The following DTNA variants were observed in gnomAD, a reference collection of about 807,000 sequenced individuals.
The protein encoded by DTNA is dystrobrevin alpha, also known as dystrophin-related protein 3.
DTNA carries 43 observed loss-of-function variants against 100.7 expected under a neutral mutation model. That is an observed-to-expected ratio of 0.43 (90% CI 0.33 to 0.55). The LOEUF (loss-of-function observed/expected upper bound fraction) is 0.55. Ranked by LOEUF, DTNA falls within the 20% of genes least tolerant of loss-of-function variation. DTNA has a pLI of 0.04. For missense variants in DTNA, 798 were observed against 953.9 expected (o/e 0.84, Z 2.15); for synonymous variants, 349 against 347.9 (o/e 1.00, Z -0.04).
intron 1 of DTNA, among the ~76,000 whole-genome samples, chr18:34,647,446 C>T (rs2143598636): frequency 6.6e-6 from 1 of 152,294 alleles, no homozygotes; most frequent in African/African-American, 2.4e-5. Context: ...GAGCAGGCGC[C>T]TAGAAGTACC....
chr18:34,744,070 A>C (rs1415190090), intron 1 of DTNA, among the ~76,000 whole-genome samples: 1 of 152,142 alleles, frequency 6.6e-6, no homozygotes, highest in Non-Finnish European at 1.5e-5. Flanking sequence ...TGTTTATCTC[A>C]AGCAGGTATG....
At chr18:34,882,379 T>C (rs2096881509) in intron 21 of DTNA, among the ~76,000 whole-genome samples, 178 bp downstream of exon 21, 1 of 152,146 alleles carries the variant, frequency 6.6e-6, no homozygotes, top group South Asian at 2.1e-4. Flanking sequence ...AATACTTCTT[T>C]TTTTTTTAAG....
At chr18:34,560,451 T>G (rs1484328339) in intron 1 of DTNA, among the ~76,000 whole-genome samples, 1 of 152,190 alleles carries the variant, frequency 6.6e-6, no homozygotes, top group Non-Finnish European at 1.5e-5. Context: ...TTTAAAGTAA[T>G]GTACTCCAGT....
At chr18:34,595,132 T>C (rs886744761) in intron 1 of DTNA, among the ~76,000 whole-genome samples, 3 of 152,246 alleles carry the variant, frequency 2.0e-5, no homozygotes, top group African/African-American at 7.2e-5. Context: ...TCATACTGGG[T>C]GCCTTGTGAC....
intron 1 of DTNA, among the ~76,000 whole-genome samples, chr18:34,536,356 C>T (rs771691616): frequency 6.6e-5 from 10 of 151,898 alleles, no homozygotes; most frequent in Non-Finnish European, 1.2e-4. Flanking sequence ...AGCCTTTCTG[C>T]GAAATGGTTT....
chr18:34,589,020 G>T (rs1052345280), intron 1 of DTNA, among the ~76,000 whole-genome samples: 1 of 150,450 alleles, frequency 6.6e-6, no homozygotes, highest in African/African-American at 2.4e-5. Flanking sequence ...CTAATTATAT[G>T]TATAATACTA....
At chr18:34,553,741 C>G (rs1304813781) in intron 1 of DTNA, among the ~76,000 whole-genome samples, 2 of 151,956 alleles carry the variant, frequency 1.3e-5, no homozygotes, top group African/African-American at 4.8e-5. Flanking sequence ...TGATCTATAT[C>G]TCTGTTTTGG....
chr18:34,669,231 A>C (rs1457972361), intron 1 of DTNA, among the ~76,000 whole-genome samples: 2 of 152,240 alleles, frequency 1.3e-5, no homozygotes, highest in African/African-American at 2.4e-5. Flanking sequence ...CTGTTTTATC[A>C]GAGACTAGGA....
At chr18:34,552,376 C>T (rs2145964012) in intron 1 of DTNA, among the ~76,000 whole-genome samples, 1 of 151,420 alleles carries the variant, frequency 6.6e-6, no homozygotes, top group Admixed American at 6.6e-5. Context: ...TTTTTTTTAA[C>T]TATTTTTTTT....
chr18:34,529,256 A>G (rs73424196), intron 1 of DTNA, among the ~76,000 whole-genome samples: 2,108 of 152,164 alleles, frequency 0.014, 53 homozygotes, highest in African/African-American at 0.049. Context: ...ATCCTAGTAA[A>G]TATCATGGTA....
intron 1 of DTNA, among the ~76,000 whole-genome samples, chr18:34,559,934 T>A (rs1183664297): frequency 6.6e-6 from 1 of 152,220 alleles, no homozygotes; most frequent in Non-Finnish European, 1.5e-5. Flanking sequence ...GTTTTAGAAT[T>A]ATTATGATTG....
At chr18:34,866,025 C>T in intron 17 of DTNA, 1 of 1,462,860 alleles carries the variant, frequency 6.8e-7, no homozygotes, top group Non-Finnish European at 9.6e-7. Context: ...GTTGATGTTT[C>T]CCCATCTTGC....
At chr18:34,516,149 A>T (rs1438535476) in intron 1 of DTNA, among the ~76,000 whole-genome samples, 1 of 152,160 alleles carries the variant, frequency 6.6e-6, no homozygotes, top group African/African-American at 2.4e-5. Context: ...AAAGGGAAAG[A>T]GTACAAGAGA....
chr18:34,572,226 C>A (rs2047657747), intron 1 of DTNA, among the ~76,000 whole-genome samples: 1 of 152,174 alleles, frequency 6.6e-6, no homozygotes. Context: ...CAGGCCCAGT[C>A]TGACTGGGCC....
intron 1 of DTNA, among the ~76,000 whole-genome samples, chr18:34,751,752 G>C (rs2092340262): frequency 6.6e-6 from 1 of 152,014 alleles, no homozygotes; most frequent in Non-Finnish European, 1.5e-5. Context: ...ACATCTTACA[G>C]TACATATTTT....
At position 34,585,879 on chromosome 18, in the gene DTNA, T is replaced by A. The variant is rs187431535; in HGVS notation, c.-2+92365T>A. ...CAGTTTTGTGTAGTTTTTAAGAATA[T>A]GTGCATGAATTTTTATTAATATGAA... On this transcript the variant is annotated intron_variant, in intron 1 of 19. Coordinates refer to the DTNA transcript ENST00000283365. Among the ~76,000 whole-genome samples, 435 of 152,306 alleles carry A rather than the reference T, an allele frequency of 2.9e-3. 1 individual carries two copies. Among genetic ancestry groups the A allele is most frequent in the Non-Finnish European group, 4.3e-3 (295 of 68,026 alleles).
intron 2 of DTNA, chr18:34,760,077 T>C (rs1281792933): frequency 2.0e-5 from 3 of 152,126 alleles, no homozygotes; most frequent in Non-Finnish European, 4.4e-5. Context: ...GGGCATGATT[T>C]TGAAACGCAC....
intron 1 of DTNA, among the ~76,000 whole-genome samples, chr18:34,588,457 G>A (rs1229406012): frequency 2.0e-5 from 3 of 152,064 alleles, no homozygotes; most frequent in African/African-American, 7.2e-5. Flanking sequence ...TCTTAAGAGT[G>A]TTCTTTTTCT....
intron 1 of DTNA, among the ~76,000 whole-genome samples, chr18:34,505,909 C>G (rs1019969477): frequency 6.6e-6 from 1 of 152,128 alleles, no homozygotes; most frequent in Non-Finnish European, 1.5e-5. Flanking sequence ...TCAATGGAAA[C>G]TTGGCCATTT....
Sources: gnomAD v4.1 joint callset for allele counts (sites outside exome capture counted in the v4.1 genomes callset) on GRCh38, gnomAD v4.1.1 for gene constraint, MANE v1.5 for transcripts, NCBI Gene and HGNC (gene_info 2026-07-23, HGNC 2026-07-21) for gene names.